Variants in EXOC4 observed in about 807,000 individuals in gnomAD.
EXOC4 encodes SEC8-like 1.
EXOC4 carries 71 observed loss-of-function variants against 107.2 expected under a neutral mutation model. That is an observed-to-expected ratio of 0.66 (90% CI 0.55 to 0.81). The LOEUF (loss-of-function observed/expected upper bound fraction) is 0.81, where lower values mean the gene tolerates loss of function less well. Ranked by LOEUF, EXOC4 falls within the 30% of genes least tolerant of loss-of-function variation. The pLI, the probability that EXOC4 is intolerant of heterozygous loss-of-function variation, is 0.00. For missense variants in EXOC4, 1,108 were observed against 1,189.6 expected, an observed-to-expected ratio of 0.93 and a Z score of 1.01; for synonymous variants, 456 against 441.2, an observed-to-expected ratio of 1.03 and a Z score of -0.42.
At chr7:134,096,607 C>T in the EXOC4 span, among the ~76,000 whole-genome samples, 1 of 152,178 alleles carries the variant, frequency 6.6e-6, no homozygotes, top group East Asian at 1.9e-4. Flanking sequence ...AGCCTTCAGT[C>T]TGTGGCCAAA....
chr7:133,756,143 AT>A lies in EXOC4; in HGVS notation c.1515-61179del, dbSNP rs1795912360. Among the ~76,000 whole-genome samples the A allele has an allele frequency of 2.0e-5, 3 of 152,172 alleles. No homozygotes were observed. The South Asian group carries it at 6.2e-4, about 32-fold the overall frequency. ...TCTCTTACACAGCATATTTTTTCAT[AT>A]TTCCATATAATTTTCATAATTATCA... On this transcript the variant is annotated intron_variant, in intron 10 of 17. Coordinates refer to ENST00000253861, the MANE Select transcript of EXOC4 (RefSeq NM_021807.4).
At chr7:133,575,988 A>C (rs140983656) in intron 9 of EXOC4, among the ~76,000 whole-genome samples, 1 of 152,192 alleles carries the variant, frequency 6.6e-6, no homozygotes, top group Non-Finnish European at 1.5e-5. Context: ...CACAGTGAAT[A>C]TTGAAAGTGT....
Position 133,835,381 on chromosome 7 carries a change from T to A in EXOC4, c.1734+17837T>A, listed in dbSNP as rs1286242137. ...TAAGGACACATGCAACGTCAATACA[T>A]GTAAGATGTACATTGGTTTGGTCCA... On this transcript the variant is annotated intron_variant, in intron 11 of 17. Coordinates refer to ENST00000253861, the MANE Select transcript of EXOC4 (RefSeq NM_021807.4). 3.9e-5 allele frequency among the ~76,000 whole-genome samples: 6 copies of A among 152,198 alleles called. No individual in the cohort carries two copies. In the South Asian group the frequency reaches 6.2e-4, roughly 16 times the overall value.
intron 7 of EXOC4, among the ~76,000 whole-genome samples, chr7:133,393,929 G>A (rs745907659): frequency 2.9e-4 from 44 of 152,164 alleles, no homozygotes; most frequent in Non-Finnish European, 5.7e-4. Context: ...ATAAAGCTAC[G>A]AAGGTTTGCT....
At chr7:133,931,288 A>G (rs571357796) in intron 13 of EXOC4, among the ~76,000 whole-genome samples, 5 of 121,440 alleles carry the variant, frequency 4.1e-5, no homozygotes, top group South Asian at 3.2e-4. Context: ...GAGTCACCCA[A>G]TAGTGGCTCA....
Position 133,817,448 on chromosome 7 carries a change from G to A in EXOC4, c.1638G>A (p.Lys546=), listed in dbSNP as rs766421930. Residue 546 remains lysine, a synonymous_variant, in exon 11 of 18, where the codon AAG becomes AAA. Coordinates refer to ENST00000253861, the MANE Select transcript of EXOC4 (RefSeq NM_021807.4). ...ATCAAGTCTTGGCTGAGATCAACAA[G>A]GAGATTGAAGGAGTCACTAAAACAT... ...FLNQVLAEIN[K]EIEGVTKTSD... is the part of the protein sequence containing the mutation. 9 of 1,614,088 alleles carry A rather than the reference G, an allele frequency of 5.6e-6. No individual in the cohort carries two copies. Among genetic ancestry groups the A allele is most frequent in the Non-Finnish European group, 7.6e-6 (9 of 1,179,972 alleles).
chr7:133,759,393 A>G (rs1293248232), intron 10 of EXOC4, among the ~76,000 whole-genome samples: 1 of 152,204 alleles, frequency 6.6e-6, no homozygotes, highest in Non-Finnish European at 1.5e-5. Context: ...TGAGATGATG[A>G]TGGTAACATT....
At chr7:133,504,036 C>T (rs549945105) in intron 9 of EXOC4, among the ~76,000 whole-genome samples, 1 of 152,196 alleles carries the variant, frequency 6.6e-6, no homozygotes, top group South Asian at 2.1e-4. Context: ...CACACACACA[C>T]ACTCACAAAT....
chr7:133,717,619 G>C (rs1795024819), intron 10 of EXOC4, among the ~76,000 whole-genome samples: 1 of 152,180 alleles, frequency 6.6e-6, no homozygotes, highest in South Asian at 2.1e-4. Context: ...TATTAGATGT[G>C]CATATGTAAA....
the EXOC4 span, among the ~76,000 whole-genome samples, chr7:134,077,685 C>T: frequency 6.6e-6 from 1 of 152,200 alleles, no homozygotes; most frequent in African/African-American, 2.4e-5. Context: ...GGCATGAAAG[C>T]AGGGATACAG....
chr7:133,548,067 T>A (rs1800517198), intron 9 of EXOC4, among the ~76,000 whole-genome samples: 1 of 152,164 alleles, frequency 6.6e-6, no homozygotes, highest in Non-Finnish European at 1.5e-5. Flanking sequence ...AATGACTCCT[T>A]GATGCACGGG....
chr7:133,395,031 C>G (rs1388082934), intron 7 of EXOC4, among the ~76,000 whole-genome samples: 1 of 150,800 alleles, frequency 6.6e-6, no homozygotes, highest in Admixed American at 6.6e-5. Flanking sequence ...ACCAGGTAGT[C>G]TATGGTAATT....
At chr7:133,962,239 C>T (rs1016134842) in intron 14 of EXOC4, among the ~76,000 whole-genome samples, 13 of 152,060 alleles carry the variant, frequency 8.5e-5, no homozygotes, top group African/African-American at 1.9e-4. Context: ...GTGAAAATTC[C>T]GCATCAAACA....
intron 7 of EXOC4, among the ~76,000 whole-genome samples, chr7:133,387,999 G>A (rs1273531707): frequency 7.2e-6 from 1 of 138,472 alleles, no homozygotes; most frequent in Non-Finnish European, 1.6e-5. Flanking sequence ...CTTAGAACAT[G>A]TTACCAAAAA....
chr7:133,761,238 C>G (rs1003793649), intron 10 of EXOC4, among the ~76,000 whole-genome samples: 10 of 152,170 alleles, frequency 6.6e-5, no homozygotes, highest in Non-Finnish European at 5.9e-5. Context: ...GGAAAAATCC[C>G]AACAAGTGCA....
At chr7:133,361,538 C>T (rs1469996045) in intron 6 of EXOC4, among the ~76,000 whole-genome samples, 5 of 152,132 alleles carry the variant, frequency 3.3e-5, no homozygotes, top group Non-Finnish European at 5.9e-5. Flanking sequence ...CCTCGGCCTC[C>T]CGAGTGTTGA....
At chr7:133,856,549 TAGAGAGAGAAAATGTGTTGA>T (rs1383730615) in intron 11 of EXOC4, among the ~76,000 whole-genome samples, 8 of 152,196 alleles carry the variant, frequency 5.3e-5, no homozygotes, top group Non-Finnish European at 7.3e-5. Flanking sequence ...CAACATGTAG[TAGAGAGAGAAAATGTGTTGA>T]ATGAATAAAT....
At chr7:133,908,840 A>T (rs967106848) in intron 12 of EXOC4, among the ~76,000 whole-genome samples, 2 of 152,030 alleles carry the variant, frequency 1.3e-5, no homozygotes, top group African/African-American at 4.8e-5. Context: ...AGTTTTTTTA[A>T]TTTTTTTATT....
At chr7:133,719,415 A>AGATT (rs1277352321) in intron 10 of EXOC4, among the ~76,000 whole-genome samples, 1 of 152,128 alleles carries the variant, frequency 6.6e-6, no homozygotes, top group African/African-American at 2.4e-5. Flanking sequence ...CATTCCACAT[A>AGATT]GATTGGAAAG....
Sources: allele counts gnomAD v4.1 joint callset (sites outside exome capture counted in the v4.1 genomes callset), GRCh38; gene constraint gnomAD v4.1.1; transcripts MANE v1.5; gene names NCBI Gene and HGNC (gene_info 2026-07-23, HGNC 2026-07-21).